Variants in SREBF2 observed in about 807,000 individuals in gnomAD.
SREBF2 encodes the protein sterol regulatory element binding transcription factor 2.
SREBF2 carries 55 observed loss-of-function variants against 113.1 expected under a neutral mutation model. The observed-to-expected ratio is 0.49, with a 90% confidence interval of 0.39 to 0.61. The LOEUF (loss-of-function observed/expected upper bound fraction) is 0.61. Ranked by LOEUF, SREBF2 falls within the 20% of genes least tolerant of loss-of-function variation. SREBF2 has a pLI of 0.00. For missense variants in SREBF2, 1,349 were observed against 1,487.4 expected (o/e 0.91, Z 1.53); for synonymous variants, 593 against 605.7 (o/e 0.98, Z 0.31).
intron 10 of SREBF2, among the ~76,000 whole-genome samples, chr22:41,884,131 G>A (rs5751174): frequency 0.16 from 23,530 of 151,196 alleles, 2,593 homozygotes; most frequent in East Asian, 0.63. Context: ...TTGTGAAGGC[G>A]GGTTTTTTTT....
chr22:41,856,885 GC>G (rs1404823333), intron 1 of SREBF2, among the ~76,000 whole-genome samples: 1 of 152,016 alleles, frequency 6.6e-6, no homozygotes, highest in Non-Finnish European at 1.5e-5. Context: ...GACCAGCCTG[GC>G]CAACACGAAG....
intron 17 of SREBF2, among the ~76,000 whole-genome samples, chr22:41,903,969 C>G (rs1038145127): frequency 2.7e-4 from 41 of 152,212 alleles, no homozygotes; most frequent in African/African-American, 9.7e-4. Flanking sequence ...GTACCCCAGG[C>G]CTGGAGCGGC....
chr22:41,882,208 G>A (rs1290736131), intron 10 of SREBF2, among the ~76,000 whole-genome samples: 1 of 152,208 alleles, frequency 6.6e-6, no homozygotes, highest in Admixed American at 6.5e-5. Flanking sequence ...CTGGACTGGG[G>A]ACTCATTGGA....
chr22:41,893,392 T>G, intron 12 of SREBF2, 107 bp downstream of exon 12: 1 of 1,272,284 alleles, frequency 7.9e-7, no homozygotes, highest in South Asian at 1.2e-5. Context: ...CTCTTAATCT[T>G]GTTGAGTCCG....
chr22:41,837,783 G>A (rs1195529913), intron 1 of SREBF2, among the ~76,000 whole-genome samples: 6 of 150,824 alleles, frequency 4.0e-5, no homozygotes, highest in Non-Finnish European at 3.0e-5. Context: ...GCTTGAACCC[G>A]GGAGGCAGAG....
chr22:41,882,921 C>T (rs191710225), intron 10 of SREBF2, among the ~76,000 whole-genome samples: 7 of 152,206 alleles, frequency 4.6e-5, no homozygotes, highest in Non-Finnish European at 8.8e-5. Context: ...CTGGGAAACA[C>T]GGGGAGACTC....
Position 41,897,838 on chromosome 22 carries a change from C to T in SREBF2, c.2605+677C>T, listed in dbSNP as rs544835899. On this transcript the variant is annotated intron_variant, in intron 14 of 18. Transcript: ENST00000361204. ...GTTTTCAAGTTTAGGGAAGCATGAC[C>T]ATCCCCGCTGGTTTTGTGGGATCAC... is the stretch of plus-strand genomic sequence containing the variant. Among the ~76,000 whole-genome samples the T allele has an allele frequency of 2.0e-5, 3 of 152,302 alleles. No individual in the cohort carries two copies. In the East Asian group the frequency reaches 5.8e-4, roughly 29 times the overall value.
At chr22:41,835,454 G>A (rs1434357690) in intron 1 of SREBF2, among the ~76,000 whole-genome samples, 4 of 151,460 alleles carry the variant, frequency 2.6e-5, no homozygotes, top group Non-Finnish European at 5.9e-5. Flanking sequence ...GGGATTACAG[G>A]CATGCGCCAC....
chr22:41,899,940 C>A, intron 15 of SREBF2: 1 of 1,161,204 alleles, frequency 8.6e-7, no homozygotes, highest in African/African-American at 1.6e-5. Flanking sequence ...CTAAGTATCT[C>A]CAGAGAGTTT....
chr22:41,879,893 G>T (rs1021096736), intron 9 of SREBF2, among the ~76,000 whole-genome samples: 1 of 152,288 alleles, frequency 6.6e-6, no homozygotes, highest in East Asian at 1.9e-4. Flanking sequence ...GGGTAGTTTA[G>T]CTGTGAGTTT....
chr22:41,845,304 A>G lies in SREBF2; in HGVS notation c.88+11946A>G, dbSNP rs1287551191. On this transcript the variant is annotated intron_variant, in intron 1 of 18. Transcript: ENST00000361204. ...GACAGAGAAATTAGATGATTTGCCAATGCTTCCTATGCTGATGACGGGGAA... is the reference window on the plus strand; with the variant it reads ...GACAGAGAAATTAGATGATTTGCCAGTGCTTCCTATGCTGATGACGGGGAA... Among the ~76,000 whole-genome samples, 4 of 152,096 alleles carry G rather than the reference A, an allele frequency of 2.6e-5. No individual in the cohort carries two copies. The East Asian group carries it at 5.8e-4, about 22-fold the overall frequency.
chr22:41,876,691 G>A (rs2077200641), intron 7 of SREBF2, among the ~76,000 whole-genome samples: 1 of 152,104 alleles, frequency 6.6e-6, no homozygotes, highest in African/African-American at 2.4e-5. Context: ...TCATTGAGGT[G>A]TAATTTAAAT....
chr22:41,840,864 C>G (rs1384727584), intron 1 of SREBF2, among the ~76,000 whole-genome samples: 1 of 152,160 alleles, frequency 6.6e-6, no homozygotes, highest in Non-Finnish European at 1.5e-5. Flanking sequence ...ATGCAGTCCC[C>G]CTGCCATCAG....
chr22:41,889,885 C>A (rs1305079882), intron 11 of SREBF2, among the ~76,000 whole-genome samples: 1 of 151,948 alleles, frequency 6.6e-6, no homozygotes, highest in Non-Finnish European at 1.5e-5. Context: ...CCTGTAATCC[C>A]AGCTACTCGG....
At position 41,877,410 on chromosome 22, in the gene SREBF2, CAT is replaced by C; in HGVS notation, c.1569_1570del (p.Phe524ArgfsTer9). The C allele has an allele frequency of 1.2e-6, 2 of 1,614,182 alleles. No homozygotes were observed. The highest frequency in any genetic ancestry group is 1.7e-6 in the Non-Finnish European group (2 of 1,180,024). On this transcript the variant is annotated frameshift_variant, in exon 8 of 19. Coordinates refer to ENST00000361204, the MANE Select transcript of SREBF2 (RefSeq NM_004599.4). LOFTEE classifies it high-confidence loss of function. ...TCAGGCTCTGGCCGCAGTGTCCTGTCATTCGAGTCAGGTAGGTGGAGGCCCCT... is the reference window on the plus strand; with the variant it reads ...TCAGGCTCTGGCCGCAGTGTCCTGTCTCGAGTCAGGTAGGTGGAGGCCCCT...
chr22:41,838,666 G>T (rs759497254), intron 1 of SREBF2, among the ~76,000 whole-genome samples: 15 of 152,174 alleles, frequency 9.9e-5, no homozygotes, highest in Non-Finnish European at 1.9e-4. Flanking sequence ...CTGGGAGGCG[G>T]AGGTTGCAGT....
At chr22:41,869,154 G>T (rs1376550703) in intron 3 of SREBF2, among the ~76,000 whole-genome samples, 1 of 152,176 alleles carries the variant, frequency 6.6e-6, no homozygotes. Flanking sequence ...GCCCAAGCTG[G>T]AGTGGAGTGG....
chr22:41,905,105 A>T, intron 18 of SREBF2, 131 bp downstream of exon 18: 1 of 939,246 alleles, frequency 1.1e-6, no homozygotes, highest in Non-Finnish European at 1.6e-6. Context: ...TCTGAGAATG[A>T]AAGAAGCCCG....
chr22:41,852,082 C>A (rs931256461), intron 1 of SREBF2, among the ~76,000 whole-genome samples: 1 of 151,950 alleles, frequency 6.6e-6, no homozygotes, highest in Non-Finnish European at 1.5e-5. Context: ...GATTGTGCCA[C>A]TGCACTCCAG....
Sources: allele counts gnomAD v4.1 joint callset (sites outside exome capture counted in the v4.1 genomes callset), GRCh38; gene constraint gnomAD v4.1.1; transcripts MANE v1.5; gene names NCBI Gene and HGNC (gene_info 2026-07-23, HGNC 2026-07-21).